SLC5A12: variants seen among roughly 807,000 people sequenced by gnomAD.
The protein encoded by SLC5A12 is solute carrier family 5 member 12.
In SLC5A12, 46 loss-of-function variants were observed where a neutral mutation model predicts 72.7. The ratio of observed to expected loss-of-function variants is 0.63; its 90% CI spans 0.50 to 0.81. SLC5A12 has a LOEUF of 0.81. Ranked by LOEUF, SLC5A12 falls within the 30% of genes least tolerant of loss-of-function variation. The pLI is 0.00. For synonymous variants in SLC5A12, 275 were observed against 264.4 expected (o/e 1.04, Z -0.39); for missense variants, 683 against 740.7 (o/e 0.92, Z 0.90).
intron 1 of SLC5A12, among the ~76,000 whole-genome samples, chr11:26,717,371 A>G (rs1193932016): frequency 6.6e-6 from 1 of 152,182 alleles, no homozygotes; most frequent in Non-Finnish European, 1.5e-5. Flanking sequence ...TAGGTAAATA[A>G]TAGCAAACTA....
At position 26,676,770 on chromosome 11, in the gene SLC5A12, A is replaced by G. The variant is rs765658975; in HGVS notation, c.1579+1942T>C. On this transcript the variant is annotated intron_variant, in intron 13 of 14. Transcript: ENST00000396005. Reference sequence around the variant, plus strand: ...CAAGATCTTTCAGCAGCTGATGCACAAAATGATTAATGATATAAACTTCCT... The same window carrying G: ...CAAGATCTTTCAGCAGCTGATGCACGAAATGATTAATGATATAAACTTCCT... Among the ~76,000 whole-genome samples, 80 of 152,350 alleles carry G rather than the reference A, an allele frequency of 5.3e-4. 1 individual carries two copies. Among genetic ancestry groups the G allele is most frequent in the Non-Finnish European group, 1.0e-3 (68 of 68,036 alleles).
Position 26,670,137 on chromosome 11 carries a change from C to T in SLC5A12, c.*965G>A, listed in dbSNP as rs1337825295. On this transcript the variant is annotated 3_prime_UTR_variant, in exon 15 of 15. Transcript: ENST00000396005. The stretch of plus-strand genomic sequence containing the variant: ...CCTAACCCAGGTGGAGTGAGTTGAG[C>T]TTGCTCACATGAGTTGAATGAGCAG... 6.6e-6 allele frequency: 1 copy of T among 152,092 alleles called. No individual in the cohort carries two copies. Among genetic ancestry groups the T allele is most frequent in the Non-Finnish European group, 1.5e-5 (1 of 68,024 alleles). 9.4% of individuals were successfully genotyped at this position (152,092 alleles called of 1,614,324 possible). A position where few individuals can be genotyped will look rare whatever the true frequency, so the allele number is the denominator to read the frequency against.
chr11:26,703,415 CACACATACAT>C, intron 6 of SLC5A12, 106 bp downstream of exon 6: 1 of 1,080,950 alleles, frequency 9.3e-7, no homozygotes, highest in Non-Finnish European at 1.3e-6. Flanking sequence ...CTCTCTTACA[CACACATACAT>C]ACACACACAC....
At chr11:26,718,979 G>T (rs758693761) in intron 1 of SLC5A12, among the ~76,000 whole-genome samples, 2 of 152,056 alleles carry the variant, frequency 1.3e-5, no homozygotes, top group Non-Finnish European at 2.9e-5. Flanking sequence ...ATTCAATGAA[G>T]TCCTTATATT....
At chr11:26,710,583 T>G (rs1855201309) in intron 3 of SLC5A12, among the ~76,000 whole-genome samples, 1 of 152,072 alleles carries the variant, frequency 6.6e-6, no homozygotes, top group South Asian at 2.1e-4. Context: ...TGATTTGCAT[T>G]TCTCTAATTA....
chr11:26,699,999 C>T (rs1013055410), intron 6 of SLC5A12, among the ~76,000 whole-genome samples: 10 of 151,864 alleles, frequency 6.6e-5, no homozygotes, highest in African/African-American at 2.4e-4. Context: ...TAAAATATAC[C>T]ATTGGACCTG....
Position 26,697,154 on chromosome 11 carries a change from C to A in SLC5A12, c.1040+10G>T. On this transcript the variant is annotated intron_variant, in intron 8 of 14. Coordinates refer to ENST00000396005, the MANE Select transcript of SLC5A12 (RefSeq NM_178498.4). Reference sequence around the variant, plus strand: ...CATCATCATCATCAGATTGTTGTTGCTATACTAACCTCAGAGTTCCACTGA... The same window carrying A: ...CATCATCATCATCAGATTGTTGTTGATATACTAACCTCAGAGTTCCACTGA... The A allele has an allele frequency of 1.2e-6, 2 of 1,607,064 alleles. No individual in the cohort carries two copies. Among genetic ancestry groups the A allele is most frequent in the Non-Finnish European group, 1.7e-6 (2 of 1,175,968 alleles).
At chr11:26,694,284 C>T (rs1249265084) in intron 8 of SLC5A12, among the ~76,000 whole-genome samples, 1 of 152,046 alleles carries the variant, frequency 6.6e-6, no homozygotes, top group East Asian at 1.9e-4. Flanking sequence ...TAGTAATCTC[C>T]CTATACCATA....
At chr11:26,703,111 T>G (rs537144466) in intron 6 of SLC5A12, among the ~76,000 whole-genome samples, 1 of 152,164 alleles carries the variant, frequency 6.6e-6, no homozygotes, top group Non-Finnish European at 1.5e-5. Flanking sequence ...AAATAAACTC[T>G]TTAAAAATTT....
At position 26,671,048 on chromosome 11, in the gene SLC5A12, T is replaced by C; in HGVS notation, c.*54A>G. The stretch of plus-strand genomic sequence containing the variant: ...AAGTAGGCAAGAAGTATGTGGAGTT[T>C]GTGTGTGTGTGTGTGTATTGCACGT... On this transcript the variant is annotated 3_prime_UTR_variant, in exon 15 of 15. Transcript: ENST00000396005. 1.4e-6 allele frequency: 1 copy of C among 697,410 alleles called. No homozygotes were observed. Among genetic ancestry groups the C allele is most frequent in the Non-Finnish European group, 1.9e-6 (1 of 531,504 alleles). 43.2% of individuals were successfully genotyped at this position (697,410 alleles called of 1,614,324 possible). A position where few individuals can be genotyped will look rare whatever the true frequency, so the allele number is the denominator to read the frequency against.
chr11:26,705,348 T>C (rs1476781252), intron 4 of SLC5A12, among the ~76,000 whole-genome samples: 1 of 151,990 alleles, frequency 6.6e-6, no homozygotes, highest in African/African-American at 2.4e-5. Flanking sequence ...AAGTGATATA[T>C]CAATAAGTGC....
At chr11:26,697,123 C>G (rs1177019669) in intron 8 of SLC5A12, 41 bp downstream of exon 8, 1 of 1,524,968 alleles carries the variant, frequency 6.6e-7, no homozygotes, top group Admixed American at 1.7e-5. Flanking sequence ...TCCTTGTTAT[C>G]CTTTCCATCA....
intron 9 of SLC5A12, 138 bp downstream of exon 9, chr11:26,692,351 T>A: frequency 1.6e-6 from 1 of 640,288 alleles, no homozygotes; most frequent in Non-Finnish European, 2.8e-6. Flanking sequence ...AGTGTAAGAA[T>A]CTATGTGTGG....
At chr11:26,694,384 C>T (rs1401480610) in intron 8 of SLC5A12, among the ~76,000 whole-genome samples, 1 of 152,040 alleles carries the variant, frequency 6.6e-6, no homozygotes, top group African/African-American at 2.4e-5. Flanking sequence ...CTGTTAACAG[C>T]CATATTTCTC....
At chr11:26,691,961 T>C (rs1207078118) in intron 9 of SLC5A12, 1 of 152,268 alleles carries the variant, frequency 6.6e-6, no homozygotes, top group Non-Finnish European at 1.5e-5. Context: ...TCTTCCCATG[T>C]AGAGAGACTA....
chr11:26,674,586 A>G (rs1439030180), intron 13 of SLC5A12, among the ~76,000 whole-genome samples: 1 of 152,022 alleles, frequency 6.6e-6, no homozygotes, highest in African/African-American at 2.4e-5. Flanking sequence ...TTCTTTTTGT[A>G]GAGATGGGAT....
At chr11:26,676,124 A>G (rs900789395) in intron 13 of SLC5A12, among the ~76,000 whole-genome samples, 1 of 152,172 alleles carries the variant, frequency 6.6e-6, no homozygotes, top group Non-Finnish European at 1.5e-5. Context: ...TCTGTCTCTC[A>G]TCGTTATACA....
At chr11:26,707,938 C>G (rs1300750226) in intron 4 of SLC5A12, among the ~76,000 whole-genome samples, 1 of 151,780 alleles carries the variant, frequency 6.6e-6, no homozygotes, top group East Asian at 1.9e-4. Context: ...AAAACCATGC[C>G]AGCTCCCCCC....
At position 26,677,039 on chromosome 11, in the gene SLC5A12, G is replaced by A. The variant is rs369364011; in HGVS notation, c.1579+1673C>T. 2.6e-5 allele frequency among the ~76,000 whole-genome samples: 4 copies of A among 151,988 alleles called. No homozygotes were observed. In the East Asian group the frequency reaches 7.7e-4, roughly 29 times the overall value. ...GTAAGACTTTTTAAAAGATTCAGTG[G>A]GTATTACAGAAGATTTGTTAAAGCC... is the stretch of plus-strand genomic sequence containing the variant. On this transcript the variant is annotated intron_variant, in intron 13 of 14. Transcript: ENST00000396005.
Sources: gnomAD v4.1 joint callset for allele counts (sites outside exome capture counted in the v4.1 genomes callset) on GRCh38, gnomAD v4.1.1 for gene constraint, MANE v1.5 for transcripts, NCBI Gene and HGNC (gene_info 2026-07-23, HGNC 2026-07-21) for gene names.